The following OTUD7A variants were observed in gnomAD, a reference collection of about 807,000 sequenced individuals.
OTUD7A encodes the protein OTU domain-containing protein 7A.
Under a neutral mutation model 65.7 loss-of-function variants are expected in OTUD7A, and 12 were observed. The ratio of observed to expected loss-of-function variants is 0.18; its 90% confidence interval spans 0.12 to 0.30. The LOEUF is 0.30. Ranked by LOEUF, OTUD7A falls within the 10% of genes least tolerant of loss-of-function variation. The pLI is 1.00. For missense variants in OTUD7A, 1,148 were observed against 1,304.8 expected (o/e 0.88, Z 1.85); for synonymous variants, 641 against 586.3 (o/e 1.09, Z -1.35).
intron 3 of OTUD7A, among the ~76,000 whole-genome samples, chr15:31,585,263 G>T (rs975349747): frequency 1.3e-5 from 2 of 152,218 alleles, no homozygotes; most frequent in African/African-American, 4.8e-5. Flanking sequence ...GGAACAGCCT[G>T]GAATGGCACT....
Position 31,781,360 on chromosome 15 carries a change from CA to C in OTUD7A, c.-100+89146del, listed in dbSNP as rs560066955. Among the ~76,000 whole-genome samples the C allele has an allele frequency of 2.4e-4, 36 of 152,254 alleles. No homozygotes were observed. The East Asian group carries it at 6.8e-3, about 29-fold the overall frequency. On this transcript the variant is annotated intron_variant, in intron 1 of 12. Coordinates refer to ENST00000307050, the MANE Select transcript of OTUD7A (RefSeq NM_001382637.1). ...TAGCAGTCCCCATCTTTGAGTCATC[CA>C]GACCCAGCTCCAGAATAAGCCTCTG...
chr15:31,542,390 TA>T (rs1888012196), intron 5 of OTUD7A, among the ~76,000 whole-genome samples: 1 of 151,706 alleles, frequency 6.6e-6, no homozygotes, highest in South Asian at 2.1e-4. Flanking sequence ...AAAATTAAAG[TA>T]AAAAAGTAAG....
intron 3 of OTUD7A, among the ~76,000 whole-genome samples, chr15:31,629,508 A>C (rs1230773237): frequency 6.6e-6 from 1 of 152,218 alleles, no homozygotes; most frequent in African/African-American, 2.4e-5. Flanking sequence ...TATTTTATTG[A>C]GGATTTTTGC....
rs1469638924 is a variant in OTUD7A at position 31,483,486 on chromosome 15, C to T, written c.2610G>A (p.Glu870=). 3.6e-6 allele frequency: 5 copies of T among 1,399,546 alleles called. No individual in the cohort carries two copies. The Admixed American group carries it at 1.1e-4, about 31-fold the overall frequency. 86.7% of individuals were successfully genotyped at this position (1,399,546 alleles called of 1,614,324 possible). The change falls in exon 13 of 13, where the codon GAG becomes GAA. Residue 870 remains glutamate (E), a synonymous_variant. Coordinates refer to ENST00000307050, the MANE Select transcript of OTUD7A (RefSeq NM_001382637.1). ...NGFGALRDGL[E]FADADAPTAR... Reference sequence around the variant, plus strand: ...CGGTCGGCGCGTCGGCGTCGGCGAACTCCAGGCCGTCGCGCAGGGCGCCGA... The same window carrying T: ...CGGTCGGCGCGTCGGCGTCGGCGAATTCCAGGCCGTCGCGCAGGGCGCCGA...
intron 1 of OTUD7A, among the ~76,000 whole-genome samples, chr15:31,670,287 G>A (rs1437256066): frequency 6.6e-6 from 1 of 152,004 alleles, no homozygotes; most frequent in Non-Finnish European, 1.5e-5. Flanking sequence ...TATTCCTTTG[G>A]GTATATATAG....
chr15:31,657,036 T>G lies in OTUD7A; in HGVS notation c.-58A>C, dbSNP rs531934383. The stretch of plus-strand genomic sequence containing the variant: ...TGATTTCTTCCTTCTCTCCATGCAC[T>G]GGGGCCTCGGCCGGGAGAGTCTCTT... On this transcript the variant is annotated 5_prime_UTR_variant, in exon 2 of 13. Transcript: ENST00000307050. The G allele has an allele frequency of 6.5e-6, 1 of 152,822 alleles. No homozygotes were observed. The highest frequency in any genetic ancestry group is 2.1e-4 in the South Asian group (1 of 4,830). 9.5% of individuals were successfully genotyped at this position (152,822 alleles called of 1,614,324 possible).
rs2041009429 is a variant in OTUD7A at position 31,475,892 on chromosome 15, A to C, written c.*7402T>G. 6.6e-6 allele frequency: 1 copy of C among 152,278 alleles called. No homozygotes were observed. The highest frequency in any genetic ancestry group is 2.4e-5 in the African/African-American group (1 of 41,472). The allele number at this position is 152,278 out of a possible 1,614,324, so 9.4% of individuals were successfully genotyped here. ...ATCCAAAAATCAGTCAAAGAAACCA[A>C]AAAAGAAAAAAGAGGAACATTCACT... On this transcript the variant is annotated 3_prime_UTR_variant, in exon 13 of 13. Transcript: ENST00000307050.
chr15:31,710,425 C>A (rs1481536847), intron 1 of OTUD7A, among the ~76,000 whole-genome samples: 1 of 150,766 alleles, frequency 6.6e-6, no homozygotes, highest in South Asian at 2.2e-4. Context: ...ACTGGGCCAC[C>A]AGGACATGAA....
intron 8 of OTUD7A, among the ~76,000 whole-genome samples, chr15:31,504,669 T>G (rs1037770): frequency 1.3e-5 from 2 of 151,522 alleles, no homozygotes; most frequent in Non-Finnish European, 2.9e-5. Context: ...TCCTGAGTGT[T>G]TGAGGAATGC....
intron 5 of OTUD7A, among the ~76,000 whole-genome samples, chr15:31,554,375 A>C (rs990504694): frequency 3.9e-5 from 6 of 152,184 alleles, no homozygotes; most frequent in Admixed American, 3.3e-4. Flanking sequence ...ATCTGTCTCC[A>C]TTTGGCCGCC....
intron 3 of OTUD7A, among the ~76,000 whole-genome samples, chr15:31,648,121 A>G (rs1277436191): frequency 6.6e-6 from 1 of 152,192 alleles, no homozygotes; most frequent in East Asian, 1.9e-4. Context: ...GAACCACTTC[A>G]GGGACATGCA....
chr15:31,768,226 C>T (rs1351756125), intron 1 of OTUD7A: 1 of 953,494 alleles, frequency 1.0e-6, no homozygotes, highest in East Asian at 2.4e-5. Context: ...CCGGTGGCAT[C>T]CATGGCAGTG....
At chr15:31,709,762 G>A (rs1893392670) in intron 1 of OTUD7A, among the ~76,000 whole-genome samples, 1 of 152,038 alleles carries the variant, frequency 6.6e-6, no homozygotes, top group South Asian at 2.1e-4. Flanking sequence ...AGAGGACTGT[G>A]CAGCTGCCTT....
At position 31,690,042 on chromosome 15, in the gene OTUD7A, C is replaced by T. The variant is rs140562324; in HGVS notation, c.-99-32965G>A. The stretch of plus-strand genomic sequence containing the variant: ...CATTTATTTTATCTAATAACTTATA[C>T]ATAAAATTTAATTTTTACTCAGTCA... On this transcript the variant is annotated intron_variant, in intron 1 of 12. Coordinates refer to ENST00000307050, the MANE Select transcript of OTUD7A (RefSeq NM_001382637.1). Among the ~76,000 whole-genome samples, 783 of 152,278 alleles carry T rather than the reference C, an allele frequency of 5.1e-3. 6 individuals carry two copies. The highest frequency in any genetic ancestry group is 0.017 in the African/African-American group (697 of 41,542).
intron 1 of OTUD7A, among the ~76,000 whole-genome samples, chr15:31,856,895 T>C (rs1438543966): frequency 1.3e-5 from 2 of 152,328 alleles, no homozygotes; most frequent in East Asian, 3.9e-4. Context: ...AGGGGCTTGT[T>C]GGACAGAGCG....
chr15:31,827,988 G>A (rs990895033), intron 1 of OTUD7A, among the ~76,000 whole-genome samples: 2 of 151,888 alleles, frequency 1.3e-5, no homozygotes, highest in South Asian at 4.1e-4. Context: ...CCTTTTGTGT[G>A]GTCCTATCCT....
intron 5 of OTUD7A, among the ~76,000 whole-genome samples, chr15:31,544,598 T>C (rs1888077311): frequency 6.6e-6 from 1 of 151,864 alleles, no homozygotes; most frequent in Admixed American, 6.6e-5. Flanking sequence ...TACACCAGGA[T>C]GGTGTAATAA....
At chr15:31,868,943 G>A (rs1353650048) in intron 1 of OTUD7A, among the ~76,000 whole-genome samples, 1 of 152,126 alleles carries the variant, frequency 6.6e-6, no homozygotes, top group East Asian at 1.9e-4. Context: ...ATTCCTTACA[G>A]ATCCAATAAA....
At position 31,484,397 on chromosome 15, in the gene OTUD7A, C is replaced by A; in HGVS notation, c.1699G>T (p.Gly567Cys). 1 of 1,601,354 alleles carries A rather than the reference C, an allele frequency of 6.2e-7. No homozygotes were observed. Among genetic ancestry groups the A allele is most frequent in the African/African-American group, 1.3e-5 (1 of 75,016 alleles). The change falls in exon 13 of 13, where the codon GGC (glycine) becomes TGC (cysteine). Residue 567 changes from glycine to cysteine, a missense_variant. Gly to Cys is a radical substitution (Grantham distance 159, BLOSUM62 -3). Transcript: ENST00000307050. This position sits in a 1 kb window ranked among gnomAD's most constrained non-coding sequence, Gnocchi z 4.5. ...CGCGACTTGGCCTTCTTCTCCTTGC[C>A]CCGCTCGGCCGAGTCCCCGTTCTTG... Reference protein sequence around the residue: ...NGKNGDSAERGKEKKAKSRKG... With the variant: ...NGKNGDSAERCKEKKAKSRKG...
Sources: allele counts gnomAD v4.1 joint callset (sites outside exome capture counted in the v4.1 genomes callset), GRCh38; gene constraint gnomAD v4.1.1; non-coding constraint Gnocchi (gnomAD v3.1); transcripts MANE v1.5; gene names NCBI Gene and HGNC (gene_info 2026-07-23, HGNC 2026-07-21).